DHX35: variants seen among roughly 807,000 people sequenced by gnomAD.
The protein encoded by DHX35 is probable ATP-dependent RNA helicase DHX35.
In DHX35, 84 loss-of-function variants were observed where a neutral mutation model predicts 99.6. The observed-to-expected ratio is 0.84, with a 90% CI of 0.71 to 1.01. The LOEUF (loss-of-function observed/expected upper bound fraction) is 1.01, where lower values mean the gene tolerates loss of function less well. Ranked by LOEUF, DHX35 falls within the 50% of genes least tolerant of loss-of-function variation. DHX35 has a pLI of 0.00. For synonymous variants in DHX35, 331 were observed against 316.2 expected (o/e 1.05, Z -0.50); for missense variants, 852 against 888.5 (o/e 0.96, Z 0.52).
rs2085933973 is a variant in DHX35 at position 38,967,949 on chromosome 20, A to G, written c.41-1132A>G. ...AGAGCCTCCCCCACCCCCCATTACAACACATACCTGGGACTCCCAGTCCCC... is the reference window on the plus strand; with the variant it reads ...AGAGCCTCCCCCACCCCCCATTACAGCACATACCTGGGACTCCCAGTCCCC... On this transcript the variant is annotated intron_variant, in intron 1 of 21. Transcript: ENST00000252011. Among the ~76,000 whole-genome samples, 2 of 152,082 alleles carry G rather than the reference A, an allele frequency of 1.3e-5. 1 individual carries two copies. Among genetic ancestry groups the G allele is most frequent in the South Asian group, 4.1e-4 (2 of 4,822 alleles).
intron 13 of DHX35, among the ~76,000 whole-genome samples, chr20:39,013,652 A>G (rs1026463196): frequency 6.6e-6 from 1 of 152,220 alleles, no homozygotes; most frequent in South Asian, 2.1e-4. Flanking sequence ...TTAAAAGCCT[A>G]GTTCAGAGAT....
chr20:38,999,265 C>A (rs930954013), intron 8 of DHX35, among the ~76,000 whole-genome samples: 7 of 151,866 alleles, frequency 4.6e-5, no homozygotes, highest in African/African-American at 1.7e-4. Context: ...AATCTTCCTC[C>A]TTCTCCTTCC....
intron 3 of DHX35, chr20:38,977,610 G>A: frequency 3.2e-6 from 1 of 313,326 alleles, no homozygotes; most frequent in Middle Eastern, 1.0e-3. Flanking sequence ...AGGCATTTTG[G>A]ACAACGCAGT....
intron 3 of DHX35, among the ~76,000 whole-genome samples, chr20:38,974,175 G>A (rs556833849): frequency 6.6e-6 from 1 of 152,204 alleles, no homozygotes; most frequent in South Asian, 2.1e-4. Context: ...GACAAGCTGA[G>A]CTTTAGATAA....
chr20:39,034,712 A>G (rs923222843), intron 21 of DHX35, among the ~76,000 whole-genome samples: 7 of 148,334 alleles, frequency 4.7e-5, no homozygotes, highest in Non-Finnish European at 8.9e-5. Context: ...CTTAGCCCCC[A>G]TGTAGCTGGG....
At chr20:39,030,411 C>T (rs961025613) in intron 19 of DHX35, 2 of 360,340 alleles carry the variant, frequency 5.6e-6, no homozygotes, top group Non-Finnish European at 1.0e-5. Context: ...TGAAAGAGCA[C>T]CTGCAGAAGA....
intron 2 of DHX35, 65 bp from the exon 3 acceptor site, chr20:38,972,494 A>G: frequency 5.0e-6 from 5 of 1,009,554 alleles, no homozygotes; most frequent in East Asian, 2.4e-5. Context: ...CAATGTTTAA[A>G]TATCGTTGTT....
intron 8 of DHX35, among the ~76,000 whole-genome samples, chr20:39,000,107 A>C (rs887766085): frequency 6.6e-6 from 1 of 152,100 alleles, no homozygotes; most frequent in African/African-American, 2.4e-5. Context: ...TTTAGTCCAT[A>C]CTGTGCTATT....
intron 3 of DHX35, among the ~76,000 whole-genome samples, chr20:38,983,074 T>G (rs536437386): frequency 7.9e-5 from 12 of 152,200 alleles, no homozygotes; most frequent in African/African-American, 2.6e-4. Context: ...TACAGGCATG[T>G]GCCACCACAC....
At chr20:39,003,652 A>T in intron 10 of DHX35, 97 bp from the exon 11 acceptor site, 1 of 1,421,848 alleles carries the variant, frequency 7.0e-7, no homozygotes, top group Non-Finnish European at 9.6e-7. Flanking sequence ...GACCAAAATT[A>T]AAGTCCAGAT....
Position 39,036,749 on chromosome 20 carries a change from AAAAG to A in DHX35, c.2068-1746_2068-1743del, listed in dbSNP as rs1410830275. Among the ~76,000 whole-genome samples the A allele has an allele frequency of 3.1e-3, 464 of 151,186 alleles. 1 individual carries two copies. Among genetic ancestry groups the A allele is most frequent in the Non-Finnish European group, 5.3e-3 (359 of 67,558 alleles). ...CCCAAAAAAAAAAAAAAAAAAAAAA[AAAAG>A]AAATCACCTAATACAACAACCTCAT... is the stretch of plus-strand genomic sequence containing the variant. On this transcript the variant is annotated intron_variant, in intron 21 of 21. Transcript: ENST00000252011.
chr20:38,983,581 G>A (rs1006934166), intron 3 of DHX35, 118 bp from the exon 4 acceptor site: 37 of 717,844 alleles, frequency 5.2e-5, no homozygotes, highest in Middle Eastern at 5.0e-4. Flanking sequence ...GTTCTGCTGG[G>A]ACAAGAACTG....
intron 8 of DHX35, among the ~76,000 whole-genome samples, chr20:38,998,792 G>A (rs545206782): frequency 6.6e-5 from 10 of 152,150 alleles, no homozygotes; most frequent in Non-Finnish European, 1.2e-4. Flanking sequence ...AGTAAATGCT[G>A]AGTCTTAATT....
At chr20:39,017,935 T>A (rs1198899458) in intron 14 of DHX35, among the ~76,000 whole-genome samples, 3 of 152,160 alleles carry the variant, frequency 2.0e-5, no homozygotes, top group Non-Finnish European at 4.4e-5. Flanking sequence ...AGGAAAGGTT[T>A]AATGGACTCA....
chr20:38,995,595 A>G (rs2086416550), intron 8 of DHX35, among the ~76,000 whole-genome samples: 1 of 152,184 alleles, frequency 6.6e-6, no homozygotes, highest in African/African-American at 2.4e-5. Context: ...CTAGGTTTAC[A>G]TTATTTTTCT....
chr20:38,969,765 A>T (rs536373679), intron 2 of DHX35, among the ~76,000 whole-genome samples: 1 of 152,318 alleles, frequency 6.6e-6, no homozygotes, highest in East Asian at 1.9e-4. Flanking sequence ...GCTACAAGAG[A>T]CCAAAGTGCA....
chr20:38,983,474 G>A (rs1219216602), intron 3 of DHX35, among the ~76,000 whole-genome samples: 4 of 152,106 alleles, frequency 2.6e-5, no homozygotes, highest in South Asian at 4.1e-4. Context: ...CTGGAATTGC[G>A]CCTTAGTTCT....
At chr20:38,991,835 G>A (rs2086342484) in intron 6 of DHX35, among the ~76,000 whole-genome samples, 2 of 152,180 alleles carry the variant, frequency 1.3e-5, no homozygotes, top group Non-Finnish European at 2.9e-5. Context: ...GTAATATACA[G>A]AGTCCAAATA....
At chr20:38,998,326 A>G (rs1476672518) in intron 8 of DHX35, among the ~76,000 whole-genome samples, 1 of 152,204 alleles carries the variant, frequency 6.6e-6, no homozygotes, top group East Asian at 1.9e-4. Context: ...TTCTTAGAGA[A>G]GGAACTTAGC....
Sources: gnomAD v4.1 joint callset for allele counts (sites outside exome capture counted in the v4.1 genomes callset) on GRCh38, gnomAD v4.1.1 for gene constraint, MANE v1.5 for transcripts, NCBI Gene and HGNC (gene_info 2026-07-23, HGNC 2026-07-21) for gene names.